The following MCPH1 variants were observed in gnomAD, a reference collection of about 807,000 sequenced individuals.
MCPH1 encodes microcephalin.
Under a neutral mutation model 84.5 loss-of-function variants are expected in MCPH1, and 104 were observed. That is an observed-to-expected ratio of 1.23 (90% confidence interval 1.05 to 1.45). MCPH1 has a LOEUF of 1.45. Ranked by LOEUF, MCPH1 falls within the 40% of genes most tolerant of loss-of-function variation. The pLI, the probability that MCPH1 is intolerant of heterozygous loss-of-function variation, is 0.00. For synonymous variants in MCPH1, 514 were observed against 366.8 expected, an observed-to-expected ratio of 1.40 and a Z score of -4.58; for missense variants, 1,498 against 1,005.7, an observed-to-expected ratio of 1.49 and a Z score of -6.62.
intron 3 of MCPH1, among the ~76,000 whole-genome samples, chr8:6,424,786 T>G (rs1185740726): frequency 6.6e-6 from 1 of 152,238 alleles, no homozygotes; most frequent in Admixed American, 6.5e-5. Context: ...AGAAGTTCGC[T>G]CTCTGCTGGC....
At chr8:6,448,183 C>T (rs1419788417) in intron 8 of MCPH1, among the ~76,000 whole-genome samples, 2 of 152,184 alleles carry the variant, frequency 1.3e-5, no homozygotes, top group African/African-American at 4.8e-5. Context: ...AACAATACTG[C>T]ATTGGATAGA....
rs1563306173 is a variant in MCPH1, at chr8:6,505,331, ATAGAAAGAATATATATATTCTTTC to A, written c.2214+5405_2214+5428del. Among the ~76,000 whole-genome samples the A allele has an allele frequency of 6.5e-3, 369 of 57,120 alleles. 12 individuals are homozygous for A. Among genetic ancestry groups the A allele is most frequent in the African/African-American group, 9.5e-3 (93 of 9,796 alleles). 37.5% of individuals were successfully genotyped at this position (57,120 alleles called of 152,430 possible). A position where few individuals can be genotyped will look rare whatever the true frequency, so the allele number is the denominator to read the frequency against. ...TATAACATATATATGTTATATACATATAGAAAGAATATATATATTCTTTCTATATGTATATAGAATATATATATT... is the reference window on the plus strand; with the variant it reads ...TATAACATATATATGTTATATACATATATATGTATATAGAATATATATATT... On this transcript the variant is annotated intron_variant, in intron 12 of 13. Transcript: ENST00000344683.
chr8:6,422,728 GC>G (rs1800398316), intron 3 of MCPH1, among the ~76,000 whole-genome samples: 1 of 152,122 alleles, frequency 6.6e-6, no homozygotes, highest in Admixed American at 6.5e-5. Context: ...TCACTCTCTT[GC>G]CCAAGCTGGA....
At chr8:6,497,438 G>A (rs1811364352) in intron 11 of MCPH1, among the ~76,000 whole-genome samples, 1 of 152,192 alleles carries the variant, frequency 6.6e-6, no homozygotes, top group African/African-American at 2.4e-5. Context: ...GGGAGACGAT[G>A]CTGCAGTGAG....
At chr8:6,416,766 G>A (rs984349673) in intron 3 of MCPH1, among the ~76,000 whole-genome samples, 162 of 152,200 alleles carry the variant, frequency 1.1e-3, no homozygotes, top group African/African-American at 3.8e-3. Flanking sequence ...GGCCGAGGGG[G>A]GTGGATCACC....
At chr8:6,626,742 C>G (rs958178886) in intron 13 of MCPH1, 13 of 985,292 alleles carry the variant, frequency 1.3e-5, no homozygotes, top group East Asian at 2.3e-4. Context: ...GTGAGGATCA[C>G]AAGCCCTTGG....
chr8:6,437,896 C>G (rs569599025), intron 5 of MCPH1, among the ~76,000 whole-genome samples: 6 of 152,324 alleles, frequency 3.9e-5, no homozygotes, highest in African/African-American at 9.6e-5. Flanking sequence ...TTACGCTGCC[C>G]TCCACTGTCT....
At chr8:6,492,224 C>A (rs941812689) in intron 11 of MCPH1, among the ~76,000 whole-genome samples, 2 of 152,166 alleles carry the variant, frequency 1.3e-5, no homozygotes, top group African/African-American at 4.8e-5. Context: ...TCTCTGATGG[C>A]CAGTGATGAT....
chr8:6,523,809 G>A (rs1463094049), intron 12 of MCPH1, among the ~76,000 whole-genome samples: 4 of 151,624 alleles, frequency 2.6e-5, no homozygotes, highest in African/African-American at 4.8e-5. Context: ...GGCTGGTCTC[G>A]AACTCCTGAC....
chr8:6,626,474 G>GTTTTTTTTTTT (rs71213328), intron 13 of MCPH1: 17 of 925,320 alleles, frequency 1.8e-5, no homozygotes, highest in East Asian at 1.3e-4. Context: ...TTTTTGTTTT[G>GTTTTTTTTTTT]TTTTTTTTTT....
intron 12 of MCPH1, among the ~76,000 whole-genome samples, chr8:6,568,857 AT>A (rs1826438352): frequency 6.6e-6 from 1 of 152,160 alleles, no homozygotes; most frequent in African/African-American, 2.4e-5. Flanking sequence ...CTGCAGACTT[AT>A]TTGGGCAGCC....
intron 12 of MCPH1, among the ~76,000 whole-genome samples, chr8:6,528,313 G>T (rs1179475098): frequency 6.6e-6 from 1 of 152,178 alleles, no homozygotes; most frequent in Non-Finnish European, 1.5e-5. Flanking sequence ...AGACAAGTAG[G>T]AGTATAAAAT....
chr8:6,494,295 C>G (rs1229655003), intron 11 of MCPH1: 1 of 152,178 alleles, frequency 6.6e-6, no homozygotes, highest in Admixed American at 6.5e-5. Context: ...AGCCCACATT[C>G]TTTCTAGCAT....
At chr8:6,434,041 T>A (rs1222973707) in intron 4 of MCPH1, among the ~76,000 whole-genome samples, 1 of 152,150 alleles carries the variant, frequency 6.6e-6, no homozygotes, top group Non-Finnish European at 1.5e-5. Flanking sequence ...TTTGTGCAGA[T>A]GTTACTTTCT....
chr8:6,568,233 GCGTGGACCCATCGCTAGCTGAATGTGGAA>G (rs1826364979), intron 12 of MCPH1, among the ~76,000 whole-genome samples: 2 of 148,502 alleles, frequency 1.3e-5, no homozygotes, highest in African/African-American at 5.3e-5. Flanking sequence ...AGTGGGTGGC[GCGTGGACCCATCGCTAGCTGAATGTGGAA>G]TGTGGACCCA....
intron 12 of MCPH1, among the ~76,000 whole-genome samples, chr8:6,515,979 G>A (rs1304386390): frequency 1.3e-5 from 2 of 152,158 alleles, no homozygotes; most frequent in Admixed American, 6.5e-5. Context: ...CATTGCCAGT[G>A]CAACCAGAGA....
intron 12 of MCPH1, among the ~76,000 whole-genome samples, chr8:6,565,869 T>A (rs999805450): frequency 1.3e-5 from 2 of 152,194 alleles, no homozygotes; most frequent in African/African-American, 2.4e-5. Flanking sequence ...ACTCCATCCT[T>A]TTCAAATTCC....
At chr8:6,445,869 G>A (rs1448451710) in intron 8 of MCPH1, 2 of 1,069,078 alleles carry the variant, frequency 1.9e-6, no homozygotes, top group Admixed American at 9.6e-5. Context: ...TTCCATTGGA[G>A]TCTTGGCGCT....
Position 6,522,161 on chromosome 8 carries a change from C to G in MCPH1, c.2214+22232C>G, listed in dbSNP as rs373640216. On this transcript the variant is annotated intron_variant, in intron 12 of 13. Coordinates refer to ENST00000344683, the MANE Select transcript of MCPH1 (RefSeq NM_024596.5). ...ACGAGGTCGGGAGATTGAGAGTATC[C>G]TGGCTAACACGGTGAAACCCCGTCT... 1.5e-3 allele frequency among the ~76,000 whole-genome samples: 223 copies of G among 151,912 alleles called. 1 individual carries two copies. Among genetic ancestry groups the G allele is most frequent in the African/African-American group, 5.1e-3 (210 of 41,458 alleles).
Sources: allele counts gnomAD v4.1 joint callset (sites outside exome capture counted in the v4.1 genomes callset), GRCh38; gene constraint gnomAD v4.1.1; transcripts MANE v1.5; gene names NCBI Gene and HGNC (gene_info 2026-07-23, HGNC 2026-07-21).